ANKS1B: variants seen among roughly 807,000 people sequenced by gnomAD.
ANKS1B encodes ankyrin repeat and sterile alpha motif domain containing 1B, also known as ankyrin repeat and sterile alpha motif domain-containing protein 1B.
In ANKS1B, 36 loss-of-function variants were observed where a neutral mutation model predicts 148.3. The observed-to-expected ratio is 0.24, with a 90% confidence interval of 0.19 to 0.32. ANKS1B has a LOEUF of 0.32. ANKS1B is among the 10% of genes least tolerant of loss of function. ANKS1B has a pLI of 1.00. For missense variants in ANKS1B, 1,157 were observed against 1,542.6 expected (o/e 0.75, Z 4.19); for synonymous variants, 542 against 560.8 (o/e 0.97, Z 0.47).
intron 1 of ANKS1B, among the ~76,000 whole-genome samples, chr12:99,831,528 T>C (rs139722568): frequency 6.6e-6 from 1 of 152,290 alleles, no homozygotes; most frequent in Non-Finnish European, 1.5e-5. Context: ...GTAGTAAAAA[T>C]TATGGATTTT....
At chr12:99,050,578 GT>G (rs1480088570) in intron 17 of ANKS1B, among the ~76,000 whole-genome samples, 2 of 151,718 alleles carry the variant, frequency 1.3e-5, no homozygotes, top group African/African-American at 4.8e-5. Context: ...CAGTGACTAT[GT>G]TTTCAAATTT....
At chr12:99,253,876 A>G (rs2153976018) in intron 12 of ANKS1B, among the ~76,000 whole-genome samples, 1 of 152,374 alleles carries the variant, frequency 6.6e-6, no homozygotes, top group East Asian at 1.9e-4. Context: ...AGAAAAATGC[A>G]GAATCACTTT....
At chr12:99,085,121 T>A in intron 15 of ANKS1B, 98 bp from the exon 16 acceptor site, 2 of 916,442 alleles carry the variant, frequency 2.2e-6, no homozygotes, top group Non-Finnish European at 1.7e-6. Context: ...GTGAGTGACC[T>A]GATTTTTATG....
intron 17 of ANKS1B, among the ~76,000 whole-genome samples, chr12:98,864,023 C>T (rs1407121645): frequency 6.6e-6 from 1 of 152,134 alleles, no homozygotes; most frequent in East Asian, 1.9e-4. Context: ...TTATTCACTT[C>T]AATAACCGTA....
rs761992858 is a variant in ANKS1B at position 99,085,016 on chromosome 12, T to G, written c.2534A>C (p.Asn845Thr). The G allele has an allele frequency of 1.7e-5, 28 of 1,605,982 alleles. No homozygotes were observed. The highest frequency in any genetic ancestry group is 3.4e-5 in the Admixed American group (2 of 58,992). ...GFDNVQFMGS[N>T]VMEDQDLLEI... Reference sequence around the variant, plus strand: ...CAACAAATCCTGATCTTCCATAACATTGCTTCCCTGAAACAAAACAGAAAT... The same window carrying G: ...CAACAAATCCTGATCTTCCATAACAGTGCTTCCCTGAAACAAAACAGAAAT... Residue 845 changes from asparagine to threonine, a missense_variant, in exon 16 of 27, where the codon AAT becomes ACT. Physicochemically the swap from Asn to Thr is moderately conservative, Grantham distance 65. Around this residue, in one of 6 missense-constraint regions of ANKS1B, gnomAD observed 258 missense variants for 497.0 expected, o/e 0.52. Transcript: ENST00000683438.
chr12:99,782,633 A>G (rs888135609), intron 4 of ANKS1B, among the ~76,000 whole-genome samples: 4 of 152,204 alleles, frequency 2.6e-5, no homozygotes, highest in African/African-American at 9.7e-5. Flanking sequence ...AGCTCTCCTT[A>G]AGTATAAAAT....
intron 14 of ANKS1B, among the ~76,000 whole-genome samples, chr12:99,197,626 A>T (rs1185191013): frequency 1.3e-5 from 2 of 152,200 alleles, no homozygotes; most frequent in Admixed American, 6.6e-5. Context: ...CCAGATTCAG[A>T]TAACCAGAAA....
chr12:98,982,292 C>T (rs4762531), intron 17 of ANKS1B, among the ~76,000 whole-genome samples: 19,499 of 149,008 alleles, frequency 0.13, 2,748 homozygotes, highest in African/African-American at 0.34. Context: ...TGGGGCCTAC[C>T]TCTGTAGTTC....
chr12:99,335,175 G>A (rs1443141906), intron 12 of ANKS1B, among the ~76,000 whole-genome samples: 1 of 151,186 alleles, frequency 6.6e-6, no homozygotes, highest in Non-Finnish European at 1.5e-5. Context: ...TTCTTCTTCA[G>A]TTTTAATTTT....
intron 8 of ANKS1B, among the ~76,000 whole-genome samples, chr12:99,726,442 C>T (rs767443134): frequency 5.3e-5 from 8 of 152,026 alleles, no homozygotes; most frequent in Non-Finnish European, 7.4e-5. Flanking sequence ...AGGAAGAAGT[C>T]GAATCCATAA....
At chr12:98,864,732 C>T (rs768021160) in intron 17 of ANKS1B, among the ~76,000 whole-genome samples, 1 of 152,142 alleles carries the variant, frequency 6.6e-6, no homozygotes, top group Middle Eastern at 3.2e-3. Context: ...CTCTGGAGAA[C>T]CCTAATACTG....
chr12:99,239,855 A>G (rs1472423898), intron 14 of ANKS1B, among the ~76,000 whole-genome samples: 1 of 152,210 alleles, frequency 6.6e-6, no homozygotes, highest in Non-Finnish European at 1.5e-5. Flanking sequence ...TCCTTTACAG[A>G]CAAGCAAATG....
intron 12 of ANKS1B, among the ~76,000 whole-genome samples, chr12:99,283,575 T>A (rs1387216063): frequency 6.6e-6 from 1 of 152,198 alleles, no homozygotes. Flanking sequence ...AACATTTAAC[T>A]GCTCACCAAA....
intron 15 of ANKS1B, among the ~76,000 whole-genome samples, chr12:99,135,897 A>G (rs185883671): frequency 4.0e-4 from 61 of 152,208 alleles, no homozygotes; most frequent in Admixed American, 1.4e-3. Flanking sequence ...TTCGGACAGG[A>G]AGACTAAGGA....
chr12:99,448,493 G>A (rs1478323983), intron 10 of ANKS1B, among the ~76,000 whole-genome samples: 1 of 152,032 alleles, frequency 6.6e-6, no homozygotes, highest in African/African-American at 2.4e-5. Flanking sequence ...ATAAGTTCAA[G>A]AGGTTTATCA....
At chr12:99,519,946 G>A (rs926301139) in intron 9 of ANKS1B, among the ~76,000 whole-genome samples, 6 of 152,024 alleles carry the variant, frequency 3.9e-5, no homozygotes, top group African/African-American at 1.4e-4. Flanking sequence ...GTAAACTAAT[G>A]AAGGCTCTAC....
chr12:99,285,614 A>G (rs1226117402), intron 12 of ANKS1B, among the ~76,000 whole-genome samples: 1 of 152,228 alleles, frequency 6.6e-6, no homozygotes, highest in Admixed American at 6.5e-5. Context: ...ACCAAAAACC[A>G]GGTGAGTGAT....
intron 17 of ANKS1B, among the ~76,000 whole-genome samples, chr12:98,972,654 G>T (rs2153215516): frequency 6.6e-6 from 1 of 152,216 alleles, no homozygotes; most frequent in South Asian, 2.1e-4. Context: ...TTTTTAAAGT[G>T]GCATTCCAGC....
intron 17 of ANKS1B, among the ~76,000 whole-genome samples, chr12:98,844,997 C>A (rs540296161): frequency 6.6e-6 from 1 of 152,174 alleles, no homozygotes; most frequent in East Asian, 1.9e-4. Context: ...CAAAAGAAAT[C>A]AATTGTTCAA....
Sources: allele counts gnomAD v4.1 joint callset (sites outside exome capture counted in the v4.1 genomes callset), GRCh38; gene constraint gnomAD v4.1.1; regional missense constraint gnomAD v4.1.1; transcripts MANE v1.5; gene names NCBI Gene and HGNC (gene_info 2026-07-23, HGNC 2026-07-21).